TMTC2: variants seen among roughly 807,000 people sequenced by gnomAD.
TMTC2 encodes the protein protein O-mannosyl-transferase TMTC2.
A neutral mutation model predicts 82.4 loss-of-function variants in TMTC2; 43 were observed. The observed-to-expected ratio is 0.52, with a 90% CI of 0.41 to 0.67. TMTC2 has a LOEUF of 0.67. Among genes scored for constraint, TMTC2 ranks in the 30% least tolerant of loss-of-function variants. The pLI is 0.00. For synonymous variants in TMTC2, 408 were observed against 381.9 expected (o/e 1.07, Z -0.80); for missense variants, 919 against 1,012.4 (o/e 0.91, Z 1.25).
chr12:82,715,785 A>G (rs116631610), intron 1 of TMTC2, among the ~76,000 whole-genome samples: 1 of 152,208 alleles, frequency 6.6e-6, no homozygotes, highest in Non-Finnish European at 1.5e-5. Flanking sequence ...TCAGTTCAGC[A>G]TGTCAAAAAA....
intron 1 of TMTC2, among the ~76,000 whole-genome samples, chr12:82,757,822 G>A (rs1018781705): frequency 6.6e-6 from 1 of 152,138 alleles, no homozygotes; most frequent in African/African-American, 2.4e-5. Flanking sequence ...AGGGAAAGTG[G>A]CTCAGTAAGA....
In TMTC2 at chr12:82,857,058, G is replaced by A. The variant is rs1342957004; in HGVS notation, c.132G>A (p.Thr44=). The A allele has an allele frequency of 4.3e-6, 7 of 1,613,028 alleles. No homozygotes were observed. In the Admixed American group the frequency reaches 5.0e-5, roughly 12 times the overall value. Residue 44 remains threonine (T), a synonymous_variant, in exon 2 of 12, where the codon ACG becomes ACA. Coordinates refer to ENST00000321196, the MANE Select transcript of TMTC2 (RefSeq NM_152588.3). ...NQDLLPETPW[T]HIFYNDFWGT... is the part of the protein sequence containing the mutation. ...ACCTTCTCCCAGAAACTCCATGGAC[G>A]CACATTTTCTACAATGATTTTTGGG...
intron 1 of TMTC2, among the ~76,000 whole-genome samples, chr12:82,810,726 A>G (rs1879458169): frequency 6.6e-6 from 1 of 152,054 alleles, no homozygotes; most frequent in East Asian, 1.9e-4. Context: ...GACCAGATGG[A>G]GGTAATTGAA....
chr12:82,867,652 A>C (rs1167874944), intron 2 of TMTC2, among the ~76,000 whole-genome samples: 1 of 152,208 alleles, frequency 6.6e-6, no homozygotes, highest in Non-Finnish European at 1.5e-5. Flanking sequence ...AGAACTGAAA[A>C]AAAGATTATA....
At chr12:83,110,500 ATATGT>A (rs147842255) in intron 11 of TMTC2, among the ~76,000 whole-genome samples, 3,773 of 152,166 alleles carry the variant, frequency 0.025, 179 homozygotes, top group African/African-American at 0.086. Context: ...ACCCACTCAG[ATATGT>A]TATGTCACCA....
intron 5 of TMTC2, 111 bp from the exon 6 acceptor site, chr12:82,965,449 T>C: frequency 8.8e-7 from 1 of 1,133,600 alleles, no homozygotes; most frequent in Non-Finnish European, 1.2e-6. Flanking sequence ...AGTATTTTTT[T>C]CTTTTTTAAT....
chr12:82,944,471 C>T (rs1010113417), intron 4 of TMTC2, among the ~76,000 whole-genome samples: 8 of 149,920 alleles, frequency 5.3e-5, no homozygotes, highest in Non-Finnish European at 1.0e-4. Context: ...GTAGTCCCAG[C>T]GACTCCCAGG....
intron 11 of TMTC2, among the ~76,000 whole-genome samples, chr12:83,098,482 A>G (rs1592745083): frequency 1.3e-5 from 2 of 152,336 alleles, no homozygotes; most frequent in East Asian, 1.9e-4. Context: ...CTTTGCCTCA[A>G]GTCTCCAGTC....
intron 1 of TMTC2, among the ~76,000 whole-genome samples, chr12:82,786,417 A>G (rs1014037451): frequency 6.6e-6 from 1 of 152,130 alleles, no homozygotes; most frequent in Non-Finnish European, 1.5e-5. Context: ...CTCACCGTTC[A>G]GAAGTGATTC....
chr12:83,018,604 G>A (rs1880779815), intron 8 of TMTC2, among the ~76,000 whole-genome samples: 1 of 151,310 alleles, frequency 6.6e-6, no homozygotes, highest in Admixed American at 6.6e-5. Context: ...TTGGAAACCA[G>A]TTTTTCATGA....
intron 2 of TMTC2, among the ~76,000 whole-genome samples, chr12:82,870,672 A>C (rs1480472388): frequency 1.3e-5 from 2 of 152,210 alleles, no homozygotes; most frequent in Non-Finnish European, 2.9e-5. Flanking sequence ...ATTTTTAAAA[A>C]GGCCACCGCT....
chr12:83,028,776 A>C (rs890816658), intron 8 of TMTC2, among the ~76,000 whole-genome samples: 1 of 152,166 alleles, frequency 6.6e-6, no homozygotes, highest in African/African-American at 2.4e-5. Context: ...CAGTTACTAA[A>C]TCATTTAGAG....
At chr12:82,874,978 T>C (rs556076321) in intron 2 of TMTC2, among the ~76,000 whole-genome samples, 1 of 152,310 alleles carries the variant, frequency 6.6e-6, no homozygotes, top group East Asian at 1.9e-4. Flanking sequence ...TGCTTGATCC[T>C]CAATCTCAGG....
At chr12:83,071,833 G>A (rs12814023) in intron 11 of TMTC2, among the ~76,000 whole-genome samples, 49,937 of 151,636 alleles carry the variant, frequency 0.33, 8,552 homozygotes, top group South Asian at 0.47. Flanking sequence ...TTGTATTTTC[G>A]GTGGTGTCAG....
intron 8 of TMTC2, among the ~76,000 whole-genome samples, chr12:83,028,005 T>G (rs1485482815): frequency 6.6e-6 from 1 of 152,198 alleles, no homozygotes; most frequent in Non-Finnish European, 1.5e-5. Context: ...AGACAGTGCT[T>G]TACTGATGAT....
intron 1 of TMTC2, among the ~76,000 whole-genome samples, chr12:82,815,165 CTT>C (rs773702402): frequency 2.0e-4 from 29 of 141,990 alleles, no homozygotes; most frequent in South Asian, 2.2e-4. Context: ...TTCTTTTATT[CTT>C]TTTTTTTTTT....
chr12:82,997,352 A>ATATATATGTGTG (rs1879686516), intron 8 of TMTC2, among the ~76,000 whole-genome samples: 2 of 21,462 alleles, frequency 9.3e-5, no homozygotes, highest in African/African-American at 2.5e-4. Context: ...GTGTGTGTAT[A>ATATATATGTGTG]TATATATATA....
At chr12:82,903,618 T>TC (rs1874144420) in intron 3 of TMTC2, among the ~76,000 whole-genome samples, 1 of 152,170 alleles carries the variant, frequency 6.6e-6, no homozygotes, top group South Asian at 2.1e-4. Flanking sequence ...TTTCACCGTG[T>TC]TGGACAGGAT....
chr12:82,770,330 T>C (rs1468764230), intron 1 of TMTC2, among the ~76,000 whole-genome samples: 2 of 152,212 alleles, frequency 1.3e-5, no homozygotes, highest in Non-Finnish European at 2.9e-5. Context: ...TATAAGAGTA[T>C]ATCAAAGATT....
Sources: allele counts gnomAD v4.1 joint callset (sites outside exome capture counted in the v4.1 genomes callset), GRCh38; gene constraint gnomAD v4.1.1; transcripts MANE v1.5; gene names NCBI Gene and HGNC (gene_info 2026-07-23, HGNC 2026-07-21).